PHACTR2: variants seen among roughly 807,000 people sequenced by gnomAD.
PHACTR2 encodes chromosome 6 open reading frame 56.
A neutral mutation model predicts 76.0 loss-of-function variants in PHACTR2; 30 were observed. The observed-to-expected ratio is 0.39, with a 90% CI of 0.30 to 0.54. PHACTR2 has a LOEUF of 0.54. Ranked by LOEUF, PHACTR2 falls within the 20% of genes least tolerant of loss-of-function variation. The pLI, the probability that PHACTR2 is intolerant of heterozygous loss-of-function variation, is 0.61. For synonymous variants in PHACTR2, 292 were observed against 292.5 expected (o/e 1.00, Z 0.02); for missense variants, 696 against 781.1 (o/e 0.89, Z 1.30).
In PHACTR2 at chr6:143,619,655, G is replaced by T. The variant is rs1360612082; in HGVS notation, c.13+11333G>T. Among the ~76,000 whole-genome samples the T allele has an allele frequency of 2.0e-5, 3 of 152,126 alleles. No individual in the cohort carries two copies. Among genetic ancestry groups the T allele is most frequent in the Admixed American group, 2.0e-4 (3 of 15,274 alleles). On this transcript the variant is annotated intron_variant, in intron 1 of 11. Coordinates refer to the PHACTR2 transcript ENST00000305766. The surrounding 1 kb of genome is among the most constrained non-coding windows in gnomAD (Gnocchi z 4.5). ...GCTTTTGTATCATTAACTGAGACTT[G>T]CTTAAAACTGTACACCCAACTTGTC...
At chr6:143,773,105 C>T (rs1194849352) in intron 7 of PHACTR2, among the ~76,000 whole-genome samples, 2 of 152,054 alleles carry the variant, frequency 1.3e-5, no homozygotes, top group South Asian at 2.1e-4. Flanking sequence ...TCCAGCTGCT[C>T]GGGAGGCTGA....
At position 143,765,823 on chromosome 6, in the gene PHACTR2, T is replaced by C. The variant is rs1337311351; in HGVS notation, c.1232+25T>C. ...GGTGAGTTGGGGAACAAACCCCCTA[T>C]TTTATCTGAGAACTAAAGATCACTA... On this transcript the variant is annotated intron_variant, in intron 6 of 12. Transcript: ENST00000440869. The surrounding 1 kb of genome is among the most constrained non-coding windows in gnomAD (Gnocchi z 4.1). The C allele has an allele frequency of 6.4e-7, 1 of 1,568,544 alleles. No individual in the cohort carries two copies. Among genetic ancestry groups the C allele is most frequent in the Admixed American group, 1.8e-5 (1 of 56,906 alleles).
At position 143,663,377 on chromosome 6, in the gene PHACTR2, T is replaced by C. The variant is rs1237038237; in HGVS notation, c.14-48639T>C. The stretch of plus-strand genomic sequence containing the variant: ...TGAAGTACTGAATATCCCAAAGCAT[T>C]GAATCACTTCTCTTGATTTTAAGAT... On this transcript the variant is annotated intron_variant, in intron 1 of 11. Transcript: ENST00000305766. This position sits in a 1 kb window ranked among gnomAD's most constrained non-coding sequence, Gnocchi z 4.1. 6.6e-6 allele frequency among the ~76,000 whole-genome samples: 1 copy of C among 152,178 alleles called. No individual in the cohort carries two copies. The highest frequency in any genetic ancestry group is 1.5e-5 in the Non-Finnish European group (1 of 68,034).
chr6:143,574,996 G>T (rs1009155186), intron 1 of PHACTR2, among the ~76,000 whole-genome samples: 12 of 152,190 alleles, frequency 7.9e-5, no homozygotes, highest in African/African-American at 2.7e-4. Context: ...TTGACTGGCA[G>T]ATTAGATTTC....
chr6:143,650,664 C>A (rs1426574776), intron 1 of PHACTR2, among the ~76,000 whole-genome samples: 1 of 152,254 alleles, frequency 6.6e-6, no homozygotes, highest in South Asian at 2.1e-4. Context: ...TTCCTTACAT[C>A]TTATAGAAAA....
chr6:143,689,611 C>T lies in PHACTR2; in HGVS notation c.46+11402C>T, dbSNP rs1189325142. 2.0e-5 allele frequency among the ~76,000 whole-genome samples: 3 copies of T among 152,046 alleles called. No individual in the cohort carries two copies. The highest frequency in any genetic ancestry group is 4.2e-4 in the South Asian group (2 of 4,814). On this transcript the variant is annotated intron_variant, in intron 1 of 12. Transcript: ENST00000440869. The surrounding 1 kb of genome is among the most constrained non-coding windows in gnomAD (Gnocchi z 4.4). ...CCGAACACGTAGTTCTCTTTTTTAC[C>T]CTACCCCAACCCCTGCCTCTCCCCA...
rs71564449 is a variant in PHACTR2, at chr6:143,791,321, A to C, written c.1845+2411A>C. On this transcript the variant is annotated intron_variant, in intron 11 of 12. Transcript: ENST00000440869. This position sits in a 1 kb window ranked among gnomAD's most constrained non-coding sequence, Gnocchi z 4.7. ...CTAAGATAGACTCTCCAGATCATTA[A>C]TTTTCATCCTTCCTTACTTTCTGAT... is the stretch of plus-strand genomic sequence containing the variant. Among the ~76,000 whole-genome samples, 17,456 of 152,118 alleles carry C rather than the reference A, an allele frequency of 0.11. 1,375 individuals are homozygous for C. The highest frequency in any genetic ancestry group is 0.31 in the East Asian group (1,619 of 5,168).
intron 1 of PHACTR2, among the ~76,000 whole-genome samples, chr6:143,643,775 T>C (rs539528281): frequency 1.1e-3 from 173 of 152,352 alleles, no homozygotes; most frequent in Non-Finnish European, 1.9e-3. Context: ...TTAAAATGTT[T>C]TATGTGAAAT....
intron 11 of PHACTR2, among the ~76,000 whole-genome samples, chr6:143,797,981 C>T (rs1426379460): frequency 6.6e-6 from 1 of 152,212 alleles, no homozygotes; most frequent in Admixed American, 6.5e-5. Context: ...CTGTAAATTA[C>T]TTTGGGCAGT....
At chr6:143,615,951 G>T (rs958013553) in intron 1 of PHACTR2, among the ~76,000 whole-genome samples, 1 of 152,124 alleles carries the variant, frequency 6.6e-6, no homozygotes, top group Non-Finnish European at 1.5e-5. Context: ...ACCAGTACAA[G>T]ATTTGACAAA....
Position 143,610,757 on chromosome 6 carries a change from T to C in PHACTR2, c.13+2435T>C, listed in dbSNP as rs138950918. Among the ~76,000 whole-genome samples, 663 of 152,294 alleles carry C rather than the reference T, an allele frequency of 4.4e-3. 7 individuals are homozygous for C. The highest frequency in any genetic ancestry group is 0.015 in the African/African-American group (637 of 41,562). ...CAGCAAAGAGCTGACATTCCTACTATCTCAGAGAAGGAGACATCCCTTCCC... is the reference window on the plus strand; with the variant it reads ...CAGCAAAGAGCTGACATTCCTACTACCTCAGAGAAGGAGACATCCCTTCCC... On this transcript the variant is annotated intron_variant, in intron 1 of 11. Transcript: ENST00000305766. This position sits in a 1 kb window ranked among gnomAD's most constrained non-coding sequence, Gnocchi z 4.9.
chr6:143,568,220 C>A (rs545640858), intron 1 of PHACTR2, among the ~76,000 whole-genome samples: 1 of 152,194 alleles, frequency 6.6e-6, no homozygotes, highest in Admixed American at 6.5e-5. Flanking sequence ...ACTAGAGATA[C>A]CACCAAAGGA....
rs971324323 is a variant in PHACTR2, at chr6:143,591,717, G to A, written c.217+54510G>A. 6.6e-6 allele frequency among the ~76,000 whole-genome samples: 1 copy of A among 152,220 alleles called. No homozygotes were observed. The highest frequency in any genetic ancestry group is 1.5e-5 in the Non-Finnish European group (1 of 68,044). ...ATCCCAATGCTGCACTGACATGTGG[G>A]CATAAGGGGCCTCCCTGCTCTGGGC... is the stretch of plus-strand genomic sequence containing the variant. On this transcript the variant is annotated intron_variant, in intron 1 of 11. Coordinates refer to the PHACTR2 transcript ENST00000367584. This position sits in a 1 kb window ranked among gnomAD's most constrained non-coding sequence, Gnocchi z 6.4.
intron 1 of PHACTR2, among the ~76,000 whole-genome samples, chr6:143,691,938 C>A (rs1327789838): frequency 6.6e-6 from 1 of 152,172 alleles, no homozygotes; most frequent in Non-Finnish European, 1.5e-5. Flanking sequence ...TAATGTTTGG[C>A]TTTTTATTTT....
chr6:143,771,144 G>A (rs542219817), intron 6 of PHACTR2, among the ~76,000 whole-genome samples: 866 of 30,806 alleles, frequency 0.028, 34 homozygotes, highest in African/African-American at 0.085. Flanking sequence ...ATATATATAT[G>A]TATATATATA....
Position 143,826,009 on chromosome 6 carries a change from C to T in PHACTR2, c.*2320C>T, listed in dbSNP as rs966788848. The T allele has an allele frequency of 1.3e-5, 2 of 149,692 alleles. No individual in the cohort carries two copies. Among genetic ancestry groups the T allele is most frequent in the Non-Finnish European group, 3.0e-5 (2 of 67,776 alleles). 9.3% of individuals were successfully genotyped at this position (149,692 alleles called of 1,614,324 possible). On this transcript the variant is annotated 3_prime_UTR_variant, in exon 13 of 13. Coordinates refer to ENST00000440869, the MANE Select transcript of PHACTR2 (RefSeq NM_001100164.2). ...ACTCATACTTTTTCTTTACACTAATCGATACATTTAGAAAAAATTTTCTAA... is the reference window on the plus strand; with the variant it reads ...ACTCATACTTTTTCTTTACACTAATTGATACATTTAGAAAAAATTTTCTAA...
chr6:143,705,496 A>T (rs9496749), intron 1 of PHACTR2, among the ~76,000 whole-genome samples: 3 of 151,938 alleles, frequency 2.0e-5, no homozygotes, highest in African/African-American at 7.2e-5. Context: ...GGGTTTCACC[A>T]TGTTAGCCAA....
chr6:143,763,773 C>T (rs1779490865), intron 5 of PHACTR2, among the ~76,000 whole-genome samples: 1 of 152,236 alleles, frequency 6.6e-6, no homozygotes, highest in African/African-American at 2.4e-5. Context: ...TCTCTTCACC[C>T]TCCCAATTGA....
rs1464992920 is a variant in PHACTR2, at chr6:143,598,151, G to A, written c.217+60944G>A. Among the ~76,000 whole-genome samples the A allele has an allele frequency of 1.3e-5, 2 of 151,966 alleles. No homozygotes were observed. The highest frequency in any genetic ancestry group is 2.9e-5 in the Non-Finnish European group (2 of 68,020). On this transcript the variant is annotated intron_variant, in intron 1 of 11. Transcript: ENST00000367584. This position sits in a 1 kb window ranked among gnomAD's most constrained non-coding sequence, Gnocchi z 4.1. The stretch of plus-strand genomic sequence containing the variant: ...ACCTGTGAATATGTTACTTTACATG[G>A]CAAAAGGGACTTTGCAGATGTGAAG...
Sources: allele counts gnomAD v4.1 joint callset (sites outside exome capture counted in the v4.1 genomes callset), GRCh38; gene constraint gnomAD v4.1.1; non-coding constraint Gnocchi (gnomAD v3.1); transcripts MANE v1.5; gene names NCBI Gene and HGNC (gene_info 2026-07-23, HGNC 2026-07-21).